Variants in BIRC6 observed in about 807,000 individuals in gnomAD.
BIRC6 encodes the protein baculoviral IAP repeat containing 6.
BIRC6 carries 98 observed loss-of-function variants against 503.3 expected under a neutral mutation model. The ratio of observed to expected loss-of-function variants is 0.19; its 90% CI spans 0.17 to 0.23. BIRC6 has a LOEUF of 0.23. Ranked by LOEUF, BIRC6 falls within the 10% of genes least tolerant of loss-of-function variation. BIRC6 has a pLI of 1.00. For synonymous variants in BIRC6, 2,240 were observed against 2,078.7 expected, an observed-to-expected ratio of 1.08 and a Z score of -2.11; for missense variants, 5,360 against 5,806.0, an observed-to-expected ratio of 0.92 and a Z score of 2.50.
At chr2:32,456,218 G>A (rs1466665070) in intron 23 of BIRC6, among the ~76,000 whole-genome samples, 1 of 152,132 alleles carries the variant, frequency 6.6e-6, no homozygotes, top group African/African-American at 2.4e-5. Context: ...ACCACTTAAT[G>A]ATGCATTCTT....
rs2044642664 is a variant in BIRC6 at position 32,435,911 on chromosome 2, G to A, written c.3500-142G>A. The stretch of plus-strand genomic sequence containing the variant: ...ACAAATAATTGATTATAGTTCCTTA[G>A]CATGACAATTCTTATTTTAACACAT... On this transcript the variant is annotated intron_variant, in intron 14 of 73. Coordinates refer to ENST00000421745, the MANE Select transcript of BIRC6 (RefSeq NM_016252.4). 21 of 531,028 alleles carry A rather than the reference G, an allele frequency of 4.0e-5. No homozygotes were observed. In the East Asian group the frequency reaches 5.2e-4, roughly 13 times the overall value. The allele number at this position is 531,028 out of a possible 1,614,324, so 32.9% of individuals were successfully genotyped here.
rs550667069 is a variant in BIRC6, at chr2:32,400,474, G to T, written c.1035-689G>T. Among the ~76,000 whole-genome samples the T allele has an allele frequency of 4.4e-3, 668 of 151,720 alleles. 4 individuals carry two copies. The highest frequency in any genetic ancestry group is 7.8e-3 in the Non-Finnish European group (529 of 67,920). On this transcript the variant is annotated intron_variant, in intron 6 of 73. Coordinates refer to ENST00000421745, the MANE Select transcript of BIRC6 (RefSeq NM_016252.4). ...CTGCCTCAGCCTCCTGAGTAGCTGG[G>T]ATTACGGGCGCCCACCACCATGCCC... is the stretch of plus-strand genomic sequence containing the variant.
At chr2:32,398,011 AG>A (rs1439417266) in intron 6 of BIRC6, among the ~76,000 whole-genome samples, 1 of 151,986 alleles carries the variant, frequency 6.6e-6, no homozygotes, top group African/African-American at 2.4e-5. Flanking sequence ...AATGGGTAGG[AG>A]GGAAGAGGAT....
chr2:32,431,775 T>A (rs1418523610), intron 12 of BIRC6, among the ~76,000 whole-genome samples: 2 of 152,214 alleles, frequency 1.3e-5, no homozygotes, highest in African/African-American at 4.8e-5. Context: ...ACTCTTATAG[T>A]CACTAGTAAT....
At chr2:32,596,543 A>C (rs1267598983) in intron 68 of BIRC6, among the ~76,000 whole-genome samples, 1 of 152,156 alleles carries the variant, frequency 6.6e-6, no homozygotes, top group South Asian at 2.1e-4. Context: ...AGAAAAAGCC[A>C]TAGTGCCTGT....
At chr2:32,526,627 A>C (rs2149917488) in intron 59 of BIRC6, 1 of 154,070 alleles carries the variant, frequency 6.5e-6, no homozygotes, top group South Asian at 2.0e-4. Context: ...TGGTGAATAG[A>C]GGTTAATGAA....
intron 10 of BIRC6, among the ~76,000 whole-genome samples, chr2:32,423,316 T>G (rs895699153): frequency 3.3e-5 from 5 of 152,210 alleles, no homozygotes; most frequent in Non-Finnish European, 7.3e-5. Context: ...ATATATATAA[T>G]GAGGTTTACT....
intron 3 of BIRC6, among the ~76,000 whole-genome samples, chr2:32,383,977 G>A (rs910294981): frequency 1.3e-5 from 2 of 152,170 alleles, no homozygotes; most frequent in African/African-American, 2.4e-5. Context: ...CCGCTTGTCA[G>A]TTCCAGTCAT....
intron 3 of BIRC6, among the ~76,000 whole-genome samples, chr2:32,385,220 T>G (rs760414040): frequency 5.9e-5 from 9 of 152,128 alleles, no homozygotes; most frequent in South Asian, 2.1e-4. Context: ...GGGCCAAGAG[T>G]ATTTTCCCCT....
intron 56 of BIRC6, 83 bp downstream of exon 56, chr2:32,518,480 T>C: frequency 2.1e-6 from 3 of 1,398,416 alleles, no homozygotes; most frequent in Non-Finnish European, 2.9e-6. Flanking sequence ...CCTCCTATGT[T>C]CTAACTTCGA....
chr2:32,460,272 A>ATTTTTTTTTTTT (rs70938346), intron 23 of BIRC6, among the ~76,000 whole-genome samples: 4 of 18,820 alleles, frequency 2.1e-4, no homozygotes, highest in African/African-American at 3.7e-4. Flanking sequence ...ATATATATAT[A>ATTTTTTTTTTTT]TTTTTTTTTT....
intron 16 of BIRC6, among the ~76,000 whole-genome samples, chr2:32,440,852 C>T (rs1359586252): frequency 6.6e-6 from 1 of 151,636 alleles, no homozygotes; most frequent in African/African-American, 2.4e-5. Context: ...AGCCTCCACC[C>T]ACTGAGTTCA....
In BIRC6 at chr2:32,478,725, T is replaced by C; in HGVS notation, c.7159T>C (p.Leu2387=). The C allele has an allele frequency of 6.2e-7, 1 of 1,613,968 alleles. No individual in the cohort carries two copies. The highest frequency in any genetic ancestry group is 8.5e-7 in the Non-Finnish European group (1 of 1,179,862). The change falls in exon 36 of 74, where the codon TTG becomes CTG. Residue 2387 remains leucine, a synonymous_variant. Transcript: ENST00000421745. ...CCAGCTGGAAAGACTGCTGTTACTT[T>C]TGGTTGGAACTGACTTCAATAGAGG... The part of the protein sequence containing the change: ...EPQLERLLLL[L]VGTDFNRGDI...
In BIRC6 at chr2:32,460,993, CTCTGCTCTCTTCTCT is replaced by C. The variant is rs1427755120; in HGVS notation, c.4754-2197_4754-2183del. Among the ~76,000 whole-genome samples, 782 of 138,830 alleles carry C rather than the reference CTCTGCTCTCTTCTCT, an allele frequency of 5.6e-3. 3 individuals are homozygous for C. The highest frequency in any genetic ancestry group is 9.2e-3 in the Non-Finnish European group (580 of 62,922). The allele number at this position is 138,830 out of a possible 152,430, so 91.1% of individuals were successfully genotyped here. A position where few individuals can be genotyped will look rare whatever the true frequency, so the allele number is the denominator to read the frequency against. ...TATGAGATGCAATTGCTCTGCTCTGCTCTGCTCTCTTCTCTTCTCTTCTCTTCTCTTCTCTTCTCT... is the reference window on the plus strand; with the variant it reads ...TATGAGATGCAATTGCTCTGCTCTGCTCTCTTCTCTTCTCTTCTCTTCTCT... On this transcript the variant is annotated intron_variant, in intron 23 of 73. Coordinates refer to ENST00000421745, the MANE Select transcript of BIRC6 (RefSeq NM_016252.4).
At chr2:32,375,062 CTT>C in intron 1 of BIRC6, among the ~76,000 whole-genome samples, 1 of 152,032 alleles carries the variant, frequency 6.6e-6, no homozygotes, top group African/African-American at 2.4e-5. Flanking sequence ...ACATATACAC[CTT>C]TTGTGTATAT....
At chr2:32,400,408 G>A (rs1321868979) in intron 6 of BIRC6, among the ~76,000 whole-genome samples, 3 of 145,346 alleles carry the variant, frequency 2.1e-5, no homozygotes, top group Non-Finnish European at 4.5e-5. Flanking sequence ...GCGCGATCTC[G>A]GCTCACTGCA....
At chr2:32,545,095 A>T (rs2057962843) in intron 62 of BIRC6, among the ~76,000 whole-genome samples, 1 of 152,138 alleles carries the variant, frequency 6.6e-6, no homozygotes, top group South Asian at 2.1e-4. Flanking sequence ...TTTTTAGTGC[A>T]TATACAATGA....
chr2:32,613,007 CA>C (rs1169569578), intron 73 of BIRC6, among the ~76,000 whole-genome samples: 2 of 152,006 alleles, frequency 1.3e-5, no homozygotes, highest in Non-Finnish European at 2.9e-5. Context: ...CCAAAGTTAC[CA>C]TCTCTCCAGT....
At chr2:32,575,014 C>T (rs1376039471) in intron 65 of BIRC6, 142 bp from the exon 66 acceptor site, 2 of 817,442 alleles carry the variant, frequency 2.4e-6, no homozygotes, top group East Asian at 2.5e-5. Flanking sequence ...TCACAAAGTA[C>T]TGAGATTACA....
Sources: allele counts gnomAD v4.1 joint callset (sites outside exome capture counted in the v4.1 genomes callset), GRCh38; gene constraint gnomAD v4.1.1; transcripts MANE v1.5; gene names NCBI Gene and HGNC (gene_info 2026-07-23, HGNC 2026-07-21).